Variants in PTPRD observed in about 807,000 individuals in gnomAD.
The protein encoded by PTPRD is receptor-type tyrosine-protein phosphatase delta.
PTPRD carries 34 observed loss-of-function variants against 214.5 expected under a neutral mutation model. The observed-to-expected ratio is 0.16, with a 90% CI of 0.12 to 0.21. The LOEUF (loss-of-function observed/expected upper bound fraction) is 0.21, where lower values mean the gene tolerates loss of function less well. Among genes scored for constraint, PTPRD ranks in the 10% least tolerant of loss-of-function variants. The pLI is 1.00. For synonymous variants in PTPRD, 1,128 were observed against 845.7 expected (o/e 1.33, Z -5.79); for missense variants, 2,545 against 2,398.7 (o/e 1.06, Z -1.27).
intron 9 of PTPRD, among the ~76,000 whole-genome samples, chr9:9,345,433 G>A (rs1436611154): frequency 6.6e-6 from 1 of 151,916 alleles, no homozygotes; most frequent in Non-Finnish European, 1.5e-5. Context: ...GTTATGGCTG[G>A]GAAGTTACAC....
intron 2 of PTPRD, among the ~76,000 whole-genome samples, chr9:10,422,782 G>A (rs772986236): frequency 1.1e-4 from 16 of 151,854 alleles, no homozygotes; most frequent in East Asian, 7.8e-4. Context: ...TTAGAATGGC[G>A]ATCATTAAAA....
intron 3 of PTPRD, among the ~76,000 whole-genome samples, chr9:10,122,717 A>G (rs1354699814): frequency 1.3e-5 from 2 of 152,208 alleles, no homozygotes; most frequent in Non-Finnish European, 2.9e-5. Context: ...TTGCATATAG[A>G]TATTAATAGA....
rs534841197 is a variant in PTPRD at position 8,447,486 on chromosome 9, A to G, written c.3988+2239T>C. On this transcript the variant is annotated intron_variant, in intron 34 of 45. Coordinates refer to ENST00000381196, the MANE Select transcript of PTPRD (RefSeq NM_002839.4). ...AATACATTGGGAAAATTAAATTGCT[A>G]ATAGAATTCTTGAGTTTGGCCATAT... 1.1e-4 allele frequency among the ~76,000 whole-genome samples: 16 copies of G among 152,286 alleles called. No homozygotes were observed. In the South Asian group the frequency reaches 3.3e-3, roughly 32 times the overall value.
chr9:8,486,475 C>G (rs2097014961), intron 27 of PTPRD, 126 bp from the exon 28 acceptor site: 1 of 867,286 alleles, frequency 1.2e-6, no homozygotes, highest in Non-Finnish European at 2.0e-6. Flanking sequence ...CAAAACAAAA[C>G]AGGCAATGTT....
At chr9:8,483,411 ATTAGAG>A (rs1326340510) in intron 30 of PTPRD, among the ~76,000 whole-genome samples, 1 of 152,090 alleles carries the variant, frequency 6.6e-6, no homozygotes, top group Non-Finnish European at 1.5e-5. Context: ...TTTGCCAAAT[ATTAGAG>A]TTAATCACCT....
chr9:8,734,016 C>G (rs2098689997), intron 11 of PTPRD, 70 bp from the exon 12 acceptor site: 4 of 629,958 alleles, frequency 6.3e-6, no homozygotes, highest in Non-Finnish European at 1.1e-5. Flanking sequence ...TACTCTTTCC[C>G]CCCTGGTTCC....
intron 7 of PTPRD, among the ~76,000 whole-genome samples, chr9:9,602,619 C>T (rs1002805464): frequency 1.3e-5 from 2 of 151,976 alleles, no homozygotes; most frequent in African/African-American, 2.4e-5. Context: ...TTAAATAATA[C>T]GTACCTATCT....
intron 2 of PTPRD, among the ~76,000 whole-genome samples, chr9:10,496,013 G>T (rs1024163708): frequency 6.6e-6 from 1 of 151,466 alleles, no homozygotes; most frequent in African/African-American, 2.4e-5. Flanking sequence ...ATTTGATCAA[G>T]GTTATTAAAT....
chr9:9,460,409 G>C (rs1017867812), intron 8 of PTPRD, among the ~76,000 whole-genome samples: 3 of 152,134 alleles, frequency 2.0e-5, no homozygotes, highest in African/African-American at 7.2e-5. Flanking sequence ...TGCAGAATGA[G>C]AGAAAACTTT....
At chr9:9,518,349 T>C (rs975174725) in intron 8 of PTPRD, among the ~76,000 whole-genome samples, 12 of 152,122 alleles carry the variant, frequency 7.9e-5, no homozygotes, top group Non-Finnish European at 1.5e-4. Context: ...GGGAAGATTC[T>C]ACTCACACTA....
chr9:9,405,930 T>G (rs1482564073), intron 8 of PTPRD, among the ~76,000 whole-genome samples: 2 of 152,002 alleles, frequency 1.3e-5, no homozygotes. Flanking sequence ...TTGCATATTT[T>G]CTGCATGTTT....
intron 5 of PTPRD, among the ~76,000 whole-genome samples, chr9:9,813,091 G>A (rs895981818): frequency 6.6e-6 from 1 of 151,854 alleles, no homozygotes; most frequent in Non-Finnish European, 1.5e-5. Context: ...AAAAGTATAA[G>A]GAGACAAATG....
intron 12 of PTPRD, among the ~76,000 whole-genome samples, chr9:8,687,438 C>T (rs1359685280): frequency 6.6e-6 from 1 of 152,148 alleles, no homozygotes; most frequent in Non-Finnish European, 1.5e-5. Flanking sequence ...GTAAGGACAA[C>T]ACAAACCGTA....
intron 12 of PTPRD, among the ~76,000 whole-genome samples, chr9:8,649,784 T>A (rs910257423): frequency 2.5e-4 from 38 of 152,240 alleles, no homozygotes; most frequent in African/African-American, 9.2e-4. Flanking sequence ...AGTCTATAAT[T>A]AATATTAACT....
rs546713938 is a variant in PTPRD, at chr9:9,164,345, C to T, written c.-143+18959G>A. 6.6e-5 allele frequency among the ~76,000 whole-genome samples: 10 copies of T among 152,242 alleles called. No homozygotes were observed. In the South Asian group the frequency reaches 2.1e-3, roughly 32 times the overall value. The stretch of plus-strand genomic sequence containing the variant: ...GACCTCTGCTTCTATTTTCACATTG[C>T]CTTCCCACATTGATTTTCTGCCTCT... On this transcript the variant is annotated intron_variant, in intron 10 of 45. Transcript: ENST00000381196.
In PTPRD at chr9:9,931,377, C is replaced by T. The variant is rs375228381; in HGVS notation, c.-368+7130G>A. On this transcript the variant is annotated intron_variant, in intron 5 of 45. Coordinates refer to ENST00000381196, the MANE Select transcript of PTPRD (RefSeq NM_002839.4). ...CAGGTCAGTGGGTGCGTGCACCGTG[C>T]GTGAGCCGAAGCAGGGCGAGGCATT... 8.5e-5 allele frequency among the ~76,000 whole-genome samples: 13 copies of T among 152,220 alleles called. No homozygotes were observed. The East Asian group carries it at 1.4e-3, about 16-fold the overall frequency.
At chr9:10,537,184 T>G (rs991904959) in intron 2 of PTPRD, among the ~76,000 whole-genome samples, 1 of 152,190 alleles carries the variant, frequency 6.6e-6, no homozygotes, top group African/African-American at 2.4e-5. Flanking sequence ...GGTCATATAG[T>G]TTAACAACGT....
At chr9:10,591,521 T>C (rs1008478591) in intron 2 of PTPRD, among the ~76,000 whole-genome samples, 1 of 151,980 alleles carries the variant, frequency 6.6e-6, no homozygotes, top group African/African-American at 2.4e-5. Flanking sequence ...TTTAAAACAA[T>C]GCAAACTAGA....
chr9:8,934,480 T>TATATATATAAATATATATATATAA lies in PTPRD; in HGVS notation c.-104+84216_-104+84217insTTATATATATATATTTATATATAT, dbSNP rs1555547166. On this transcript the variant is annotated intron_variant, in intron 11 of 45. Transcript: ENST00000381196. ...ATATATATAAATATATATATATAAA[T>TATATATATAAATATATATATATAA]ATATATATATATAAATATATATATA... Among the ~76,000 whole-genome samples, 24 of 8,074 alleles carry TATATATATAAATATATATATATAA rather than the reference T, an allele frequency of 3.0e-3. 2 individuals carry two copies. The highest frequency in any genetic ancestry group is 9.1e-3 in the African/African-American group (24 of 2,638). The allele number at this position is 8,074 out of a possible 152,430, so 5.3% of individuals were successfully genotyped here.
Sources: gnomAD v4.1 joint callset for allele counts (sites outside exome capture counted in the v4.1 genomes callset) on GRCh38, gnomAD v4.1.1 for gene constraint, MANE v1.5 for transcripts, NCBI Gene and HGNC (gene_info 2026-07-23, HGNC 2026-07-21) for gene names.